Variants in GAB4 observed in about 807,000 individuals in gnomAD.
GAB4 encodes GRB2-associated-binding protein 4.
A neutral mutation model predicts 51.3 loss-of-function variants in GAB4; 26 were observed. That is an observed-to-expected ratio of 0.51 (90% CI 0.37 to 0.70). The LOEUF (loss-of-function observed/expected upper bound fraction) is 0.70. GAB4 is among the 30% of genes least tolerant of loss of function. The pLI, the probability that GAB4 is intolerant of heterozygous loss-of-function variation, is 0.00. For missense variants in GAB4, 759 were observed against 734.6 expected, an observed-to-expected ratio of 1.03 and a Z score of -0.38; for synonymous variants, 329 against 291.2, an observed-to-expected ratio of 1.13 and a Z score of -1.32.
At chr22:16,992,618 T>C (rs1299566204) in intron 1 of GAB4, among the ~76,000 whole-genome samples, 3 of 152,220 alleles carry the variant, frequency 2.0e-5, no homozygotes, top group Admixed American at 6.5e-5. Context: ...CAGAAAAACA[T>C]GTTTCCCAAC....
chr22:16,968,437 C>T, intron 4 of GAB4, 54 bp from the exon 5 acceptor site: 1 of 1,225,208 alleles, frequency 8.2e-7, no homozygotes, highest in South Asian at 1.2e-5. Context: ...TGTGTTGATG[C>T]CTCCCACGCC....
chr22:16,981,703 A>G (rs1352274915), intron 3 of GAB4, among the ~76,000 whole-genome samples: 3 of 152,186 alleles, frequency 2.0e-5, no homozygotes, highest in African/African-American at 7.2e-5. Context: ...AAGAACTAAC[A>G]TCAATTCTTC....
intron 1 of GAB4, among the ~76,000 whole-genome samples, chr22:16,997,832 A>G (rs11704218): frequency 0.022 from 3,360 of 152,250 alleles, 57 homozygotes; most frequent in Middle Eastern, 0.068. Context: ...ATAAGGTACA[A>G]GGAAGGGATC....
intron 3 of GAB4, among the ~76,000 whole-genome samples, chr22:16,973,883 C>T (rs1474310016): frequency 6.6e-6 from 1 of 152,244 alleles, no homozygotes; most frequent in Non-Finnish European, 1.5e-5. Context: ...CTCTCTACTC[C>T]TAGCCAACCA....
chr22:16,978,358 C>T (rs182589891), intron 3 of GAB4, among the ~76,000 whole-genome samples: 22 of 152,152 alleles, frequency 1.4e-4, no homozygotes, highest in Admixed American at 6.5e-4. Context: ...ATATCACCAC[C>T]GACCCCACAG....
At chr22:16,993,395 C>G (rs1408351162) in intron 1 of GAB4, among the ~76,000 whole-genome samples, 1 of 152,140 alleles carries the variant, frequency 6.6e-6, no homozygotes, top group Admixed American at 6.5e-5. Flanking sequence ...ACTACAGATG[C>G]CAAGCATTGG....
At chr22:16,972,290 T>C (rs1159717844) in intron 3 of GAB4, among the ~76,000 whole-genome samples, 1 of 152,130 alleles carries the variant, frequency 6.6e-6, no homozygotes, top group Non-Finnish European at 1.5e-5. Context: ...TCCCTGGTGG[T>C]GGTCAAGAGT....
At position 16,963,700 on chromosome 22, in the gene GAB4, CCAACCCCAGCTCCACCCCAGGCACCTTG is replaced by C. The variant is rs2060647783; in HGVS notation, c.1578_1581+24del. 1 of 1,580,766 alleles carries C rather than the reference CCAACCCCAGCTCCACCCCAGGCACCTTG, an allele frequency of 6.3e-7. No homozygotes were observed. Among genetic ancestry groups the C allele is most frequent in the South Asian group, 1.1e-5 (1 of 90,074 alleles). On this transcript the variant is annotated splice_donor_variant and splice_donor_5th_base_variant and coding_sequence_variant and intron_variant, in exon 9 of 10. Coordinates refer to ENST00000400588, the MANE Select transcript of GAB4 (RefSeq NM_001037814.1). LOFTEE classifies it high-confidence loss of function. The stretch of plus-strand genomic sequence containing the variant: ...CTCCCCCAGGGCCCAAGGGCTCTGC[CCAACCCCAGCTCCACCCCAGGCACCTTG>C]CTCGGCTGGAAGTCCAGGGCCGCGT...
At chr22:17,002,146 G>A (rs2061002984) in intron 1 of GAB4, among the ~76,000 whole-genome samples, 1 of 152,130 alleles carries the variant, frequency 6.6e-6, no homozygotes, top group South Asian at 2.1e-4. Flanking sequence ...TCCGTGGGCT[G>A]CACCCACTGT....
chr22:16,997,755 C>A (rs1182301277), intron 1 of GAB4, among the ~76,000 whole-genome samples: 2 of 152,186 alleles, frequency 1.3e-5, no homozygotes, highest in Non-Finnish European at 2.9e-5. Flanking sequence ...CCTAGGTTTT[C>A]TTCTAGGGTT....
At chr22:16,989,020 T>C (rs897153089) in intron 2 of GAB4, among the ~76,000 whole-genome samples, 18 of 152,220 alleles carry the variant, frequency 1.2e-4, no homozygotes, top group Non-Finnish European at 2.2e-4. Flanking sequence ...TCCCGTTACA[T>C]GCGTGATCCC....
At chr22:16,981,414 C>G (rs2060826678) in intron 3 of GAB4, among the ~76,000 whole-genome samples, 1 of 151,596 alleles carries the variant, frequency 6.6e-6, no homozygotes, top group South Asian at 2.1e-4. Flanking sequence ...TGAGTCAAGC[C>G]TTAAATAAAA....
chr22:16,969,853 G>A, intron 4 of GAB4, 90 bp downstream of exon 4: 1 of 1,463,102 alleles, frequency 6.8e-7, no homozygotes, highest in Non-Finnish European at 9.5e-7. Context: ...TGCACTGAGA[G>A]TGGGGTGGCC....
chr22:16,971,772 G>A (rs772541516), intron 3 of GAB4, among the ~76,000 whole-genome samples: 1 of 152,186 alleles, frequency 6.6e-6, no homozygotes, highest in Non-Finnish European at 1.5e-5. Flanking sequence ...CTGTTCCTTG[G>A]GGACATGGCC....
rs117636276 is a variant in GAB4, at chr22:16,972,931, C to T, written c.687-2738G>A. Among the ~76,000 whole-genome samples, 1,075 of 152,284 alleles carry T rather than the reference C, an allele frequency of 7.1e-3. 5 individuals are homozygous for T. The highest frequency in any genetic ancestry group is 0.012 in the Non-Finnish European group (786 of 68,020). On this transcript the variant is annotated intron_variant, in intron 3 of 9. Transcript: ENST00000400588. The stretch of plus-strand genomic sequence containing the variant: ...CATCCCATCTCTCCAGTCTTTTCTT[C>T]CTAGTTACCCTTCCCACCTAGGATC...
intron 3 of GAB4, 27 bp downstream of exon 3, chr22:16,987,933 C>G (rs2123697769): frequency 6.4e-7 from 1 of 1,550,498 alleles, no homozygotes; most frequent in East Asian, 2.3e-5. Flanking sequence ...GGGGTCACTG[C>G]CCCCACTGGC....
Position 16,963,828 on chromosome 22 carries a change from T to A in GAB4, c.1478A>T (p.Asn493Ile). 1.2e-6 allele frequency: 2 copies of A among 1,612,602 alleles called. No individual in the cohort carries two copies. The highest frequency in any genetic ancestry group is 1.7e-6 in the Non-Finnish European group (2 of 1,178,986). The change falls in exon 9 of 10, where the codon AAC (asparagine) becomes ATC (isoleucine). Residue 493 changes from asparagine (N) to isoleucine (I), a missense_variant and splice_region_variant. Transcript: ENST00000400588. Reference sequence around the variant, plus strand: ...GGAAACAGGAAATGCAGATGCCGGGTTCTGCTGTCACAAGGAGGAAAATCC... The same window carrying A: ...GGAAACAGGAAATGCAGATGCCGGGATCTGCTGTCACAAGGAGGAAAATCC... ...EDSGERYLFP[N>I]PASAFPVSGG...
At chr22:16,987,659 A>C (rs924567212) in intron 3 of GAB4, among the ~76,000 whole-genome samples, 3 of 152,216 alleles carry the variant, frequency 2.0e-5, no homozygotes, top group African/African-American at 7.2e-5. Context: ...TGTTATTTGC[A>C]GTTCTGAAAC....
At chr22:16,972,884 T>C (rs922540706) in intron 3 of GAB4, among the ~76,000 whole-genome samples, 1 of 152,194 alleles carries the variant, frequency 6.6e-6, no homozygotes, top group Non-Finnish European at 1.5e-5. Context: ...GCTTTTAGGA[T>C]GAAAAACCCC....
Sources: allele counts gnomAD v4.1 joint callset (sites outside exome capture counted in the v4.1 genomes callset), GRCh38; gene constraint gnomAD v4.1.1; transcripts MANE v1.5; gene names NCBI Gene and HGNC (gene_info 2026-07-23, HGNC 2026-07-21).